Variants in PDCD11 observed in about 807,000 individuals in gnomAD.
The protein encoded by PDCD11 is protein RRP5 homolog.
PDCD11 carries 97 observed loss-of-function variants against 198.9 expected under a neutral mutation model. The ratio of observed to expected loss-of-function variants is 0.49; its 90% confidence interval spans 0.41 to 0.58. The LOEUF (loss-of-function observed/expected upper bound fraction) is 0.58. Ranked by LOEUF, PDCD11 falls within the 20% of genes least tolerant of loss-of-function variation. The pLI, the probability that PDCD11 is intolerant of heterozygous loss-of-function variation, is 0.00. For missense variants in PDCD11, 2,102 were observed against 2,312.7 expected, an observed-to-expected ratio of 0.91 and a Z score of 1.87; for synonymous variants, 893 against 918.0, an observed-to-expected ratio of 0.97 and a Z score of 0.49.
intron 21 of PDCD11, among the ~76,000 whole-genome samples, chr10:103,428,108 C>T (rs971817834): frequency 5.9e-5 from 9 of 152,136 alleles, no homozygotes; most frequent in Non-Finnish European, 1.5e-5. Context: ...GAGTTCCAGA[C>T]TAGCCTGACC....
intron 6 of PDCD11, among the ~76,000 whole-genome samples, 156 bp from the exon 7 acceptor site, chr10:103,406,453 C>T (rs966484315): frequency 6.6e-6 from 1 of 152,170 alleles, no homozygotes; most frequent in African/African-American, 2.4e-5. Flanking sequence ...TCGTTTCCTT[C>T]TTGTAGTTGG....
At chr10:103,427,302 A>G in intron 20 of PDCD11, 27 bp from the exon 21 acceptor site, 2 of 1,598,466 alleles carry the variant, frequency 1.3e-6, no homozygotes, top group Non-Finnish European at 1.7e-6. Flanking sequence ...GATGAAGAGA[A>G]ATGATTCAGC....
Position 103,409,681 on chromosome 10 carries a change from T to C in PDCD11, c.871-18T>C. On this transcript the variant is annotated intron_variant, in intron 7 of 35. Transcript: ENST00000369797. Reference sequence around the variant, plus strand: ...TTTCAAAGAACTTTTTTTTATAACTTGTTCTGTTTATTTCTAGGTGACTCC... The same window carrying C: ...TTTCAAAGAACTTTTTTTTATAACTCGTTCTGTTTATTTCTAGGTGACTCC... The C allele has an allele frequency of 6.3e-7, 1 of 1,584,540 alleles. No individual in the cohort carries two copies. The highest frequency in any genetic ancestry group is 2.2e-5 in the East Asian group (1 of 44,730).
chr10:103,408,181 T>C (rs2030576553), intron 7 of PDCD11, among the ~76,000 whole-genome samples: 1 of 152,190 alleles, frequency 6.6e-6, no homozygotes, highest in Non-Finnish European at 1.5e-5. Flanking sequence ...AAACTACTAG[T>C]TTCTTTTTCC....
chr10:103,397,839 A>G (rs2093445287), intron 1 of PDCD11, among the ~76,000 whole-genome samples: 1 of 152,158 alleles, frequency 6.6e-6, no homozygotes, highest in South Asian at 2.1e-4. Flanking sequence ...TTGATAGGGA[A>G]ATTGCTGGTG....
At chr10:103,405,906 G>C (rs978124345) in intron 5 of PDCD11, 79 bp from the exon 6 acceptor site, 1 of 1,472,958 alleles carries the variant, frequency 6.8e-7, no homozygotes, top group Admixed American at 1.7e-5. Flanking sequence ...TTAGTGGCAG[G>C]AACATTCAAG....
In PDCD11 at chr10:103,427,374, G is replaced by A. The variant is rs2031741860; in HGVS notation, c.3351G>A (p.Glu1117=). The change falls in exon 21 of 36, where the codon GAG becomes GAA. Residue 1117 remains glutamate (E), a synonymous_variant. Coordinates refer to ENST00000369797, the MANE Select transcript of PDCD11 (RefSeq NM_014976.2). ...SHPRFVRTIP[E]LSVRPSELED... is the part of the protein sequence containing the mutation. ...CCAGATTCGTTCGAACCATCCCGGAGCTGAGTGTTCGGCCAAGGTGAGGGG... is the reference window on the plus strand; with the variant it reads ...CCAGATTCGTTCGAACCATCCCGGAACTGAGTGTTCGGCCAAGGTGAGGGG... 1.2e-6 allele frequency: 2 copies of A among 1,612,200 alleles called. No individual in the cohort carries two copies. Among genetic ancestry groups the A allele is most frequent in the Non-Finnish European group, 1.7e-6 (2 of 1,179,142 alleles).
At position 103,441,922 on chromosome 10, in the gene PDCD11, C is replaced by T; in HGVS notation, c.4654C>T (p.Pro1552Ser). The change falls in exon 31 of 36, where the codon CCT becomes TCT. Residue 1552 changes from proline (P) to serine (S), a missense_variant. Transcript: ENST00000369797. The part of the protein sequence containing the change: ...GLDSLTPALP[P>S]LAESSDSEED... ...AGACTCTCTGACCCCGGCCTTGCCA[C>T]CTCTAGCAGAGAGCTCAGACAGCGA... The T allele has an allele frequency of 3.7e-6, 6 of 1,614,256 alleles. No individual in the cohort carries two copies. Among genetic ancestry groups the T allele is most frequent in the Non-Finnish European group, 4.2e-6 (5 of 1,180,042 alleles).
Position 103,425,165 on chromosome 10 carries a change from C to A in PDCD11, c.2945C>A (p.Thr982Asn). Residue 982 changes from threonine (T) to asparagine (N), a missense_variant, in exon 20 of 36, where the codon ACC (threonine) becomes AAC (asparagine). Coordinates refer to ENST00000369797, the MANE Select transcript of PDCD11 (RefSeq NM_014976.2). ...VGQGVSLTLK[T>N]TEPGVTGLLL... ...CAGGGTGTCTCCCTAACCCTCAAGACCACAGAACCAGGAGTGACTGGCCTT... is the reference window on the plus strand; with the variant it reads ...CAGGGTGTCTCCCTAACCCTCAAGAACACAGAACCAGGAGTGACTGGCCTT... 1 of 1,614,146 alleles carries A rather than the reference C, an allele frequency of 6.2e-7. No individual in the cohort carries two copies. The highest frequency in any genetic ancestry group is 8.5e-7 in the Non-Finnish European group (1 of 1,180,032).
intron 7 of PDCD11, among the ~76,000 whole-genome samples, chr10:103,409,312 C>T (rs964174868): frequency 2.1e-5 from 3 of 141,382 alleles, no homozygotes; most frequent in African/African-American, 7.6e-5. Context: ...TTTGCAAGCC[C>T]TTTTTTTTTT....
At chr10:103,416,958 C>T (rs1450473116) in intron 13 of PDCD11, among the ~76,000 whole-genome samples, 1 of 152,192 alleles carries the variant, frequency 6.6e-6, no homozygotes, top group Non-Finnish European at 1.5e-5. Flanking sequence ...GGATCTCAGG[C>T]ACGCATGGAA....
intron 34 of PDCD11, 116 bp from the exon 35 acceptor site, chr10:103,444,401 C>T (rs2133758836): frequency 9.6e-7 from 1 of 1,038,902 alleles, no homozygotes; most frequent in Admixed American, 2.0e-5. Context: ...CTTGTCACAA[C>T]CTGAGTCTTG....
rs1053012839 is a variant in PDCD11 at position 103,439,826 on chromosome 10, A to G, written c.4106A>G (p.Lys1369Arg). Residue 1369 changes from lysine (K) to arginine (R), a missense_variant, in exon 28 of 36, where the codon AAA (lysine) becomes AGA (arginine). Coordinates refer to ENST00000369797, the MANE Select transcript of PDCD11 (RefSeq NM_014976.2). ...HSPSKKALYN[K>R]HLPEGKLLTA... ...CCGTCCAAGAAAGCCCTTTATAACA[A>G]ACACCTCCCTGAAGGGAAGCTGCTC... is the stretch of plus-strand genomic sequence containing the variant. The G allele has an allele frequency of 6.2e-7, 1 of 1,614,090 alleles. No homozygotes were observed. The highest frequency in any genetic ancestry group is 2.2e-5 in the East Asian group (1 of 44,880).
rs2281860 is a variant in PDCD11, at chr10:103,441,820, C to T, written c.4558-6C>T. On this transcript the variant is annotated splice_polypyrimidine_tract_variant and splice_region_variant and intron_variant, in intron 30 of 35. Coordinates refer to ENST00000369797, the MANE Select transcript of PDCD11 (RefSeq NM_014976.2). ...TGCTTTCTTTAGCGCCTCTGTGTTC[C>T]TCCAGGAGAAGCAAACCAAGCCAGC... 635,121 of 1,609,866 alleles carry T rather than the reference C, an allele frequency of 0.39. 126,963 individuals carry two copies. Among genetic ancestry groups the T allele is most frequent in the South Asian group, 0.5 (45,658 of 90,964 alleles).
chr10:103,405,676 A>G (rs1490389619), intron 5 of PDCD11, among the ~76,000 whole-genome samples: 2 of 152,196 alleles, frequency 1.3e-5, no homozygotes, highest in Non-Finnish European at 2.9e-5. Context: ...GATTACAGGC[A>G]TGAGCCACTG....
intron 7 of PDCD11, among the ~76,000 whole-genome samples, chr10:103,408,504 G>C (rs1226142408): frequency 6.6e-6 from 1 of 151,892 alleles, no homozygotes; most frequent in African/African-American, 2.4e-5. Context: ...GTGTGGGATT[G>C]TTGACTGTTT....
intron 12 of PDCD11, among the ~76,000 whole-genome samples, 154 bp downstream of exon 12, chr10:103,415,305 G>A (rs188412161): frequency 4.8e-4 from 73 of 152,320 alleles, no homozygotes; most frequent in South Asian, 3.7e-3. Context: ...GTGAGTCCCC[G>A]TTTTGTGTAG....
intron 27 of PDCD11, among the ~76,000 whole-genome samples, chr10:103,439,269 A>C (rs934170098): frequency 2.0e-5 from 3 of 152,116 alleles, no homozygotes; most frequent in Non-Finnish European, 4.4e-5. Flanking sequence ...TTGAGCCCAT[A>C]AGTTCGAGGT....
chr10:103,402,986 A>G lies in PDCD11; in HGVS notation c.235-132A>G, dbSNP rs370643814. The G allele has an allele frequency of 1.7e-4, 140 of 825,420 alleles. 2 individuals carry two copies. Among genetic ancestry groups the G allele is most frequent in the African/African-American group, 1.1e-3 (64 of 58,348 alleles). 51.1% of individuals were successfully genotyped at this position (825,420 alleles called of 1,614,324 possible). A position where few individuals can be genotyped will look rare whatever the true frequency, so the allele number is the denominator to read the frequency against. ...TCCTCCTGCCTTGGCCACCCAAAGTATTGGAATTATAGGGCGTAAGCCACT... is the reference window on the plus strand; with the variant it reads ...TCCTCCTGCCTTGGCCACCCAAAGTGTTGGAATTATAGGGCGTAAGCCACT... On this transcript the variant is annotated intron_variant, in intron 3 of 35. Coordinates refer to ENST00000369797, the MANE Select transcript of PDCD11 (RefSeq NM_014976.2).
Sources: allele counts gnomAD v4.1 joint callset (sites outside exome capture counted in the v4.1 genomes callset), GRCh38; gene constraint gnomAD v4.1.1; transcripts MANE v1.5; gene names NCBI Gene and HGNC (gene_info 2026-07-23, HGNC 2026-07-21).